Variants in ADGRV1 observed in about 807,000 individuals in gnomAD.
The protein encoded by ADGRV1 is adhesion G protein-coupled receptor V1, also known as G-protein coupled receptor 98.
A neutral mutation model predicts 596.2 loss-of-function variants in ADGRV1; 359 were observed. That is an observed-to-expected ratio of 0.60 (90% CI 0.55 to 0.66). The LOEUF is 0.66. Among genes scored for constraint, ADGRV1 ranks in the 30% least tolerant of loss-of-function variants. The pLI is 0.00. For missense variants in ADGRV1, 7,274 were observed against 7,575.6 expected (o/e 0.96, Z 1.48); for synonymous variants, 2,681 against 2,679.2 (o/e 1.00, Z -0.02).
chr5:90,561,128 A>T (rs1292341594), intron 1 of ADGRV1, among the ~76,000 whole-genome samples: 2 of 152,150 alleles, frequency 1.3e-5, no homozygotes, highest in Non-Finnish European at 2.9e-5. Context: ...ATTAAATTGT[A>T]TTATCCTGAT....
chr5:90,918,676 T>C (rs994010258), intron 83 of ADGRV1, among the ~76,000 whole-genome samples: 2 of 152,190 alleles, frequency 1.3e-5, no homozygotes, highest in Admixed American at 1.3e-4. Context: ...TTAAATGAGA[T>C]ATCTATATAT....
At chr5:90,897,214 A>G (rs1771412200) in intron 83 of ADGRV1, among the ~76,000 whole-genome samples, 1 of 152,244 alleles carries the variant, frequency 6.6e-6, no homozygotes, top group South Asian at 2.1e-4. Context: ...AAATATAAAT[A>G]TTATGTAAAG....
intron 87 of ADGRV1, among the ~76,000 whole-genome samples, chr5:91,115,039 G>T (rs1185708260): frequency 1.3e-5 from 2 of 152,096 alleles, no homozygotes; most frequent in African/African-American, 4.8e-5. Context: ...TGAATATAGG[G>T]CTCCCCAATA....
chr5:90,637,876 C>A lies in ADGRV1; in HGVS notation c.2168C>A (p.Thr723Lys). ...SVLFLSGQSD[T>K]TINITIKGDD... ...TTGTTTTTATCTGGGCAAAGTGACA[C>A]AACAATCAACATTACTATCAAAGGT... The change falls in exon 11 of 90, where the codon ACA becomes AAA. Residue 723 changes from threonine (T) to lysine (K), a missense_variant. Thr to Lys is a moderately conservative substitution (Grantham distance 78). Around this residue, in one of 5 missense-constraint regions of ADGRV1, gnomAD observed 1,715 missense variants for 1,708.8 expected, o/e 1.00. Transcript: ENST00000405460. 6.2e-7 allele frequency: 1 copy of A among 1,613,538 alleles called. No individual in the cohort carries two copies. The highest frequency in any genetic ancestry group is 8.5e-7 in the Non-Finnish European group (1 of 1,179,700).
Position 91,161,223 on chromosome 5 carries a change from C to T in ADGRV1, c.18803-2559C>T, listed in dbSNP as rs767923537. 2.4e-4 allele frequency among the ~76,000 whole-genome samples: 36 copies of T among 152,304 alleles called. 1 individual carries two copies. The highest frequency in any genetic ancestry group is 4.1e-4 in the Non-Finnish European group (28 of 68,006). ...CCTCCTTATAGAATGGCCACTGTCT[C>T]GCCAGTTCACTGAGGTTCTTCCACA... On this transcript the variant is annotated intron_variant, in intron 89 of 89. Coordinates refer to ENST00000405460, the MANE Select transcript of ADGRV1 (RefSeq NM_032119.4).
intron 1 of ADGRV1, among the ~76,000 whole-genome samples, chr5:90,595,017 G>A (rs1263232149): frequency 3.4e-5 from 5 of 145,620 alleles, no homozygotes; most frequent in African/African-American, 1.1e-4. Flanking sequence ...CCCAGACGGG[G>A]TGGTGGCCGG....
intron 20 of ADGRV1, 103 bp downstream of exon 20, chr5:90,654,055 C>CT: frequency 8.6e-7 from 1 of 1,164,038 alleles, no homozygotes; most frequent in Non-Finnish European, 1.2e-6. Context: ...TTTGAAAACT[C>CT]TACTTATGCA....
intron 1 of ADGRV1, among the ~76,000 whole-genome samples, chr5:90,603,206 A>G (rs1275670090): frequency 6.6e-6 from 1 of 152,226 alleles, no homozygotes; most frequent in East Asian, 1.9e-4. Context: ...CATCCAGAAC[A>G]TCAGAAGCCC....
intron 17 of ADGRV1, among the ~76,000 whole-genome samples, chr5:90,648,576 C>T (rs1033440299): frequency 6.6e-6 from 1 of 152,086 alleles, no homozygotes; most frequent in African/African-American, 2.4e-5. Flanking sequence ...TGTGTTCCAC[C>T]TTGTGCCTTT....
At chr5:90,833,902 T>C (rs1764732744) in intron 77 of ADGRV1, among the ~76,000 whole-genome samples, 1 of 152,188 alleles carries the variant, frequency 6.6e-6, no homozygotes, top group Non-Finnish European at 1.5e-5. Context: ...TCTTGTCTGA[T>C]TGTCATTAAA....
chr5:91,106,437 A>C (rs1292076352), intron 87 of ADGRV1, among the ~76,000 whole-genome samples: 1 of 152,036 alleles, frequency 6.6e-6, no homozygotes, highest in African/African-American at 2.4e-5. Flanking sequence ...GGATTGCTTT[A>C]GTTATTTGAG....
rs779909710 is a variant in ADGRV1, at chr5:90,694,268, G to A, written c.7512G>A (p.Glu2504=). The change falls in exon 33 of 90, where the codon GAG becomes GAA. Residue 2504 remains glutamate (E), a synonymous_variant. Coordinates refer to ENST00000405460, the MANE Select transcript of ADGRV1 (RefSeq NM_032119.4). ...SGQAVAGSDY[E]PVTRQWAIMQ... The stretch of plus-strand genomic sequence containing the variant: ...AGGCTGTGGCTGGGAGTGACTATGA[G>A]CCTGTGACAAGGCAATGGGCCATAA... The A allele has an allele frequency of 1.2e-6, 2 of 1,613,958 alleles. No individual in the cohort carries two copies. The highest frequency in any genetic ancestry group is 2.2e-5 in the East Asian group (1 of 44,878).
At chr5:90,916,140 A>C (rs1773331458) in intron 83 of ADGRV1, among the ~76,000 whole-genome samples, 1 of 150,990 alleles carries the variant, frequency 6.6e-6, no homozygotes, top group African/African-American at 2.4e-5. Flanking sequence ...TCTAGGGGCA[A>C]CCTAGCCTTA....
chr5:91,002,891 C>A (rs753405145), intron 85 of ADGRV1, among the ~76,000 whole-genome samples: 44 of 152,128 alleles, frequency 2.9e-4, no homozygotes, highest in Non-Finnish European at 5.7e-4. Flanking sequence ...TACTACAGAT[C>A]TGTAAGATGG....
intron 23 of ADGRV1, among the ~76,000 whole-genome samples, 173 bp from the exon 24 acceptor site, chr5:90,675,070 C>T (rs1367070522): frequency 2.6e-5 from 4 of 152,164 alleles, no homozygotes; most frequent in Non-Finnish European, 5.9e-5. Flanking sequence ...AGCTTATGAA[C>T]ATATTCTGTA....
chr5:90,579,810 T>C (rs1387363540), intron 1 of ADGRV1, among the ~76,000 whole-genome samples: 1 of 152,214 alleles, frequency 6.6e-6, no homozygotes, highest in African/African-American at 2.4e-5. Flanking sequence ...TGCAGATATA[T>C]TTAGTATAGT....
At chr5:90,733,031 TATGCTGG>T (rs1037577450) in intron 50 of ADGRV1, among the ~76,000 whole-genome samples, 3 of 152,176 alleles carry the variant, frequency 2.0e-5, no homozygotes, top group African/African-American at 7.2e-5. Flanking sequence ...GTGTATAGAA[TATGCTGG>T]ATGAAGTAAC....
intron 25 of ADGRV1, 71 bp from the exon 26 acceptor site, chr5:90,679,478 T>C: frequency 1.9e-6 from 2 of 1,062,596 alleles, no homozygotes; most frequent in Non-Finnish European, 2.9e-6. Flanking sequence ...TGATATGTTT[T>C]AAGACCTCTC....
chr5:90,996,245 A>G lies in ADGRV1; in HGVS notation c.18152+10723A>G, dbSNP rs114674007. Among the ~76,000 whole-genome samples, 565 of 152,204 alleles carry G rather than the reference A, an allele frequency of 3.7e-3. 5 individuals carry two copies. Among genetic ancestry groups the G allele is most frequent in the African/African-American group, 0.013 (549 of 41,546 alleles). On this transcript the variant is annotated intron_variant, in intron 85 of 89. Transcript: ENST00000405460. ...AAGCCCAGAGGCCTGGGAGGGAAAA[A>G]TGGTTTTGTGGGCCAGGCTCAGAGC... is the stretch of plus-strand genomic sequence containing the variant.
Sources: allele counts gnomAD v4.1 joint callset (sites outside exome capture counted in the v4.1 genomes callset), GRCh38; gene constraint gnomAD v4.1.1; regional missense constraint gnomAD v4.1.1; transcripts MANE v1.5; gene names NCBI Gene and HGNC (gene_info 2026-07-23, HGNC 2026-07-21).